Variants in FREM1 observed in about 807,000 individuals in gnomAD.
FREM1 encodes the protein FRAS1 related extracellular matrix 1, also known as FRAS1-related extracellular matrix protein 1.
A neutral mutation model predicts 210.1 loss-of-function variants in FREM1; 220 were observed. The ratio of observed to expected loss-of-function variants is 1.05; its 90% confidence interval spans 0.94 to 1.17. The LOEUF (loss-of-function observed/expected upper bound fraction) is 1.17. Among genes scored for constraint, FREM1 ranks in the 50% most tolerant of loss-of-function variants. The pLI is 0.00. For missense variants in FREM1, 3,454 were observed against 2,675.5 expected (o/e 1.29, Z -6.42); for synonymous variants, 1,189 against 980.2 (o/e 1.21, Z -3.98).
chr9:14,740,063 A>G lies in FREM1; in HGVS notation c.6340+86T>C, dbSNP rs16932241. ...ATTGTAAACCACTATCATTTAACCC[A>G]TGGAAGGAAGTAGCAGGGTGGTGGT... is the stretch of plus-strand genomic sequence containing the variant. On this transcript the variant is annotated intron_variant, in intron 36 of 36. Coordinates refer to ENST00000380880, the MANE Select transcript of FREM1 (RefSeq NM_001379081.2). The G allele has an allele frequency of 4.9e-3, 3,773 of 768,530 alleles. 115 individuals carry two copies. In the African/African-American group the frequency reaches 0.06, roughly 12 times the overall value. 47.6% of individuals were successfully genotyped at this position (768,530 alleles called of 1,614,324 possible).
intron 27 of FREM1, among the ~76,000 whole-genome samples, chr9:14,763,538 G>C (rs573288885): frequency 6.6e-6 from 1 of 152,224 alleles, no homozygotes; most frequent in East Asian, 1.9e-4. Context: ...AGATAAATTC[G>C]GATCCCTGAA....
intron 30 of FREM1, among the ~76,000 whole-genome samples, chr9:14,749,487 C>T (rs1842980286): frequency 6.6e-6 from 1 of 152,198 alleles, no homozygotes. Flanking sequence ...ATGGTACGAA[C>T]ACTCGTCAAA....
rs1247449933 is a variant in FREM1, at chr9:14,746,311, A to G, written c.6254+42T>C. Reference sequence around the variant, plus strand: ...CTTCCATGAGCAAATAGAGAAATAGAGAAAAGAAAACACCAATCAAATGTG... The same window carrying G: ...CTTCCATGAGCAAATAGAGAAATAGGGAAAAGAAAACACCAATCAAATGTG... On this transcript the variant is annotated intron_variant, in intron 35 of 36. Transcript: ENST00000380880. 2.9e-6 allele frequency: 4 copies of G among 1,374,320 alleles called. No individual in the cohort carries two copies. The South Asian group carries it at 3.6e-5, about 12-fold the overall frequency. The allele number at this position is 1,374,320 out of a possible 1,614,324, so 85.1% of individuals were successfully genotyped here.
intron 10 of FREM1, among the ~76,000 whole-genome samples, chr9:14,835,558 A>G (rs1236963689): frequency 2.0e-5 from 3 of 152,208 alleles, no homozygotes; most frequent in African/African-American, 7.2e-5. Flanking sequence ...TGGTCAGTGA[A>G]GAATGTCACT....
At chr9:14,773,956 T>C (rs558447572) in intron 25 of FREM1, 3 of 404,412 alleles carry the variant, frequency 7.4e-6, no homozygotes, top group Non-Finnish European at 1.4e-5. Flanking sequence ...GTTAGGGGAG[T>C]TAGGAATAAA....
intron 10 of FREM1, among the ~76,000 whole-genome samples, chr9:14,828,320 C>A (rs1258658198): frequency 6.6e-6 from 1 of 152,106 alleles, no homozygotes; most frequent in Non-Finnish European, 1.5e-5. Context: ...ATATTGTTTG[C>A]CCTGTTGAGT....
intron 8 of FREM1, among the ~76,000 whole-genome samples, chr9:14,844,366 C>T (rs1826222426): frequency 6.6e-6 from 1 of 152,136 alleles, no homozygotes; most frequent in East Asian, 1.9e-4. Context: ...GCTGGGGCTA[C>T]AGGCACGCAC....
rs1840621064 is a variant in FREM1 at position 14,737,578 on chromosome 9, G to A, written c.6358C>T (p.His2120Tyr). The change falls in exon 37 of 37, where the codon CAT (histidine) becomes TAT (tyrosine). Residue 2120 changes from histidine to tyrosine, a missense_variant. Transcript: ENST00000380880. The part of the protein sequence containing the change: ...SFWIGLNDQV[H>Y]AGHWEWIGGE... ...CCGATCCACTCCCAGTGGCCAGCAT[G>A]CACTTGGTCGTTCAAACCTAATGTG... 6.4e-7 allele frequency: 1 copy of A among 1,574,766 alleles called. No homozygotes were observed.
chr9:14,783,847 T>A (rs937526314), intron 24 of FREM1, among the ~76,000 whole-genome samples: 1 of 152,236 alleles, frequency 6.6e-6, no homozygotes, highest in Non-Finnish European at 1.5e-5. Context: ...TATGACAACA[T>A]GATTTATGAT....
chr9:14,829,137 C>G (rs775082195), intron 10 of FREM1, among the ~76,000 whole-genome samples: 3 of 152,150 alleles, frequency 2.0e-5, no homozygotes, highest in Non-Finnish European at 4.4e-5. Context: ...GTAGGAGGCA[C>G]TTTATTAATG....
chr9:14,821,091 C>T (rs1821215739), intron 13 of FREM1, among the ~76,000 whole-genome samples: 1 of 152,174 alleles, frequency 6.6e-6, no homozygotes, highest in Admixed American at 6.5e-5. Context: ...AGATCCAGTG[C>T]TCAGGTTTCT....
chr9:14,763,897 TA>T (rs1412154836), intron 27 of FREM1, among the ~76,000 whole-genome samples: 2 of 152,196 alleles, frequency 1.3e-5, no homozygotes, highest in Non-Finnish European at 2.9e-5. Context: ...GAGTGCTCAT[TA>T]AATATCTGTT....
chr9:14,846,139 G>A, intron 7 of FREM1, 48 bp from the exon 8 acceptor site: 1 of 1,459,286 alleles, frequency 6.9e-7, no homozygotes, highest in Non-Finnish European at 9.4e-7. Context: ...ACTGGATAAA[G>A]AAAATGAGGC....
intron 15 of FREM1, 87 bp from the exon 16 acceptor site, chr9:14,813,151 G>A (rs1819707500): frequency 2.2e-6 from 3 of 1,358,960 alleles, no homozygotes; most frequent in Non-Finnish European, 3.0e-6. Context: ...TAGTCAGAAT[G>A]ACAGGCATTT....
chr9:14,880,192 G>A (rs148451979), intron 1 of FREM1, among the ~76,000 whole-genome samples: 27 of 152,132 alleles, frequency 1.8e-4, no homozygotes, highest in African/African-American at 6.0e-4. Context: ...AGAACTGTGA[G>A]GAATAAAGTT....
chr9:14,889,113 T>G (rs1836327101), intron 1 of FREM1, among the ~76,000 whole-genome samples: 3 of 152,186 alleles, frequency 2.0e-5, no homozygotes, highest in Admixed American at 6.5e-5. Context: ...GTAGTTACTA[T>G]GTCAAAGATT....
chr9:14,794,169 G>A (rs1429123755), intron 21 of FREM1, among the ~76,000 whole-genome samples: 1 of 152,136 alleles, frequency 6.6e-6, no homozygotes, highest in Non-Finnish European at 1.5e-5. Flanking sequence ...AGGATCCTAG[G>A]ACAAGGAAGG....
At chr9:14,833,702 C>G (rs1207778920) in intron 10 of FREM1, among the ~76,000 whole-genome samples, 5 of 152,194 alleles carry the variant, frequency 3.3e-5, no homozygotes, top group Admixed American at 2.0e-4. Flanking sequence ...GAGTGCTCAG[C>G]TTAATTAAGA....
intron 18 of FREM1, among the ~76,000 whole-genome samples, chr9:14,805,408 G>A (rs1483392305): frequency 6.6e-6 from 1 of 152,182 alleles, no homozygotes; most frequent in Non-Finnish European, 1.5e-5. Flanking sequence ...AGTATGCACA[G>A]GGACTTCAAG....
Sources: allele counts gnomAD v4.1 joint callset (sites outside exome capture counted in the v4.1 genomes callset), GRCh38; gene constraint gnomAD v4.1.1; transcripts MANE v1.5; gene names NCBI Gene and HGNC (gene_info 2026-07-23, HGNC 2026-07-21).